CNTN5: variants seen among roughly 807,000 people sequenced by gnomAD.
CNTN5 encodes the protein contactin-5.
In CNTN5, 77 loss-of-function variants were observed where a neutral mutation model predicts 129.1. That is an observed-to-expected ratio of 0.60 (90% CI 0.50 to 0.72). CNTN5 has a LOEUF of 0.72. CNTN5 is among the 30% of genes least tolerant of loss of function. The pLI is 0.00. For missense variants in CNTN5, 1,478 were observed against 1,328.8 expected (o/e 1.11, Z -1.75); for synonymous variants, 509 against 465.6 (o/e 1.09, Z -1.20).
At chr11:100,285,974 C>A (rs535967987) in intron 18 of CNTN5, among the ~76,000 whole-genome samples, 2 of 152,194 alleles carry the variant, frequency 1.3e-5, no homozygotes, top group South Asian at 2.1e-4. Flanking sequence ...GCTCCCTTTC[C>A]GAGTCAAAGA....
chr11:100,025,331 G>A (rs1941363720), intron 9 of CNTN5, among the ~76,000 whole-genome samples: 1 of 152,228 alleles, frequency 6.6e-6, no homozygotes, highest in Non-Finnish European at 1.5e-5. Flanking sequence ...CTAGATTTCA[G>A]AGGATTTATG....
chr11:100,124,462 C>A (rs75538059), intron 13 of CNTN5, among the ~76,000 whole-genome samples: 3 of 151,566 alleles, frequency 2.0e-5, no homozygotes, highest in African/African-American at 7.3e-5. Context: ...AAACAGCATG[C>A]AAGGAAAAAG....
chr11:100,285,158 T>C (rs1379293199), intron 18 of CNTN5, among the ~76,000 whole-genome samples: 1 of 152,262 alleles, frequency 6.6e-6, no homozygotes, highest in Non-Finnish European at 1.5e-5. Context: ...TTAATTTAAA[T>C]GAGTTATTAC....
At chr11:99,727,614 A>G (rs952696440) in intron 3 of CNTN5, among the ~76,000 whole-genome samples, 1 of 151,870 alleles carries the variant, frequency 6.6e-6, no homozygotes, top group Non-Finnish European at 1.5e-5. Context: ...AAAAAAATCA[A>G]TTAAGGGAAG....
intron 13 of CNTN5, among the ~76,000 whole-genome samples, chr11:100,157,870 G>C (rs1947311470): frequency 6.6e-6 from 1 of 151,490 alleles, no homozygotes; most frequent in African/African-American, 2.4e-5. Flanking sequence ...TGTGAAAAAA[G>C]GAAGAAATTT....
At chr11:99,241,713 T>C (rs1355835589) in intron 1 of CNTN5, among the ~76,000 whole-genome samples, 1 of 152,154 alleles carries the variant, frequency 6.6e-6, no homozygotes, top group Non-Finnish European at 1.5e-5. Flanking sequence ...CTGAATAAGT[T>C]GACAGGTAAC....
chr11:99,483,915 A>G (rs1442431035), intron 2 of CNTN5, among the ~76,000 whole-genome samples: 1 of 152,138 alleles, frequency 6.6e-6, no homozygotes, highest in Non-Finnish European at 1.5e-5. Context: ...CTCAAAATAA[A>G]TAAAAGGCCT....
rs186431870 is a variant in CNTN5, at chr11:99,867,948, C to T, written c.577+22686C>T. Among the ~76,000 whole-genome samples the T allele has an allele frequency of 1.6e-3, 251 of 152,262 alleles. 1 individual carries two copies. Among genetic ancestry groups the T allele is most frequent in the African/African-American group, 5.8e-3 (240 of 41,550 alleles). On this transcript the variant is annotated intron_variant, in intron 6 of 24. Coordinates refer to ENST00000524871, the MANE Select transcript of CNTN5 (RefSeq NM_014361.4). ...ACATAAAACTGGCCAAGCGCGGTGG[C>T]TCACACCTGTAATCCCAGCTGTTTG...
intron 2 of CNTN5, among the ~76,000 whole-genome samples, chr11:99,442,626 C>T (rs987843924): frequency 3.7e-4 from 56 of 152,120 alleles, no homozygotes; most frequent in African/African-American, 1.3e-3. Flanking sequence ...CTTGTGAATA[C>T]GCATGAATAT....
At chr11:99,480,977 C>A (rs1398143751) in intron 2 of CNTN5, among the ~76,000 whole-genome samples, 1 of 152,076 alleles carries the variant, frequency 6.6e-6, no homozygotes, top group Non-Finnish European at 1.5e-5. Flanking sequence ...TGCATATGTC[C>A]TTGAAACTTT....
chr11:99,718,371 G>A (rs542144817), intron 3 of CNTN5, among the ~76,000 whole-genome samples: 1 of 152,210 alleles, frequency 6.6e-6, no homozygotes, highest in African/African-American at 2.4e-5. Flanking sequence ...TGTCTTAGCA[G>A]CAGCATAACA....
intron 7 of CNTN5, among the ~76,000 whole-genome samples, chr11:99,929,835 G>T (rs1445475411): frequency 6.6e-6 from 1 of 152,106 alleles, no homozygotes; most frequent in African/African-American, 2.4e-5. Flanking sequence ...GTCTGAACAG[G>T]GTCCTTGGTC....
At chr11:99,384,563 G>A (rs1225122895) in intron 2 of CNTN5, among the ~76,000 whole-genome samples, 1 of 152,154 alleles carries the variant, frequency 6.6e-6, no homozygotes, top group African/African-American at 2.4e-5. Flanking sequence ...GGTGTTTGTT[G>A]ACAAGAGAAA....
At chr11:99,508,055 C>T (rs1946691213) in intron 2 of CNTN5, among the ~76,000 whole-genome samples, 1 of 152,120 alleles carries the variant, frequency 6.6e-6, no homozygotes, top group Non-Finnish European at 1.5e-5. Context: ...TTTTCATATT[C>T]AAAATATACT....
At chr11:100,127,296 G>A (rs933956979) in intron 13 of CNTN5, among the ~76,000 whole-genome samples, 3 of 151,682 alleles carry the variant, frequency 2.0e-5, no homozygotes, top group Non-Finnish European at 4.4e-5. Context: ...TTATAGGCTA[G>A]GCTAGTGATG....
intron 4 of CNTN5, among the ~76,000 whole-genome samples, chr11:99,834,935 C>T (rs963368289): frequency 6.6e-6 from 1 of 152,206 alleles, no homozygotes; most frequent in Non-Finnish European, 1.5e-5. Context: ...ACCTTGTTTT[C>T]CTAATGTAAA....
chr11:99,121,889 G>C (rs1400382527), intron 1 of CNTN5, among the ~76,000 whole-genome samples: 1 of 151,084 alleles, frequency 6.6e-6, no homozygotes, highest in East Asian at 1.9e-4. Flanking sequence ...AAGTAATTTT[G>C]AATTTCTTTT....
At chr11:100,089,543 A>T (rs1212826529) in intron 13 of CNTN5, among the ~76,000 whole-genome samples, 2 of 152,176 alleles carry the variant, frequency 1.3e-5, no homozygotes, top group African/African-American at 2.4e-5. Flanking sequence ...TTGACCTAGC[A>T]ATCCCATTAC....
At position 99,787,101 on chromosome 11, in the gene CNTN5, G is replaced by GT. The variant is rs1429867110; in HGVS notation, c.56-32437dup. The stretch of plus-strand genomic sequence containing the variant: ...TTCTGAAACTACATGTTTTTTTTTT[G>GT]TTTTTTATTTATTTATTTATTATTA... On this transcript the variant is annotated intron_variant, in intron 3 of 24. Coordinates refer to ENST00000524871, the MANE Select transcript of CNTN5 (RefSeq NM_014361.4). Among the ~76,000 whole-genome samples, 9 of 143,692 alleles carry GT rather than the reference G, an allele frequency of 6.3e-5. No homozygotes were observed. In the East Asian group the frequency reaches 1.8e-3, roughly 29 times the overall value. The allele number at this position is 143,692 out of a possible 152,430, so 94.3% of individuals were successfully genotyped here. A position where few individuals can be genotyped will look rare whatever the true frequency, so the allele number is the denominator to read the frequency against.
Sources: gnomAD v4.1 joint callset for allele counts (sites outside exome capture counted in the v4.1 genomes callset) on GRCh38, gnomAD v4.1.1 for gene constraint, MANE v1.5 for transcripts, NCBI Gene and HGNC (gene_info 2026-07-23, HGNC 2026-07-21) for gene names.